PAX5: variants seen among roughly 807,000 people sequenced by gnomAD.
PAX5 encodes the protein paired box 5.
A neutral mutation model predicts 43.7 loss-of-function variants in PAX5; 9 were observed. The observed-to-expected ratio is 0.21, with a 90% confidence interval of 0.12 to 0.36. The LOEUF is 0.36. Among genes scored for constraint, PAX5 ranks in the 10% least tolerant of loss-of-function variants. The pLI, the probability that PAX5 is intolerant of heterozygous loss-of-function variation, is 1.00. For synonymous variants in PAX5, 228 were observed against 214.3 expected, an observed-to-expected ratio of 1.06 and a Z score of -0.56; for missense variants, 383 against 532.7, an observed-to-expected ratio of 0.72 and a Z score of 2.77.
chr9:36,849,718 A>G (rs1190736539), intron 8 of PAX5, among the ~76,000 whole-genome samples: 1 of 152,106 alleles, frequency 6.6e-6, no homozygotes, highest in East Asian at 1.9e-4. Context: ...TTGGTGGGAG[A>G]AATGAGCCTA....
intron 6 of PAX5, among the ~76,000 whole-genome samples, chr9:36,958,516 G>A (rs1833687697): frequency 6.6e-6 from 1 of 152,116 alleles, no homozygotes. Context: ...AAGGAGAGAA[G>A]CCGTGCATGA....
intron 7 of PAX5, among the ~76,000 whole-genome samples, chr9:36,883,234 T>A (rs1826608038): frequency 6.6e-6 from 1 of 152,150 alleles, no homozygotes; most frequent in African/African-American, 2.4e-5. Flanking sequence ...ACCCCAACAG[T>A]TTCTGCTGCT....
chr9:37,006,118 A>G (rs1838365037), intron 4 of PAX5, among the ~76,000 whole-genome samples: 1 of 152,236 alleles, frequency 6.6e-6, no homozygotes, highest in Non-Finnish European at 1.5e-5. Context: ...AAAACTACTT[A>G]CTGACTAATG....
chr9:36,971,412 G>A (rs574885523), intron 5 of PAX5, among the ~76,000 whole-genome samples: 1 of 152,356 alleles, frequency 6.6e-6, no homozygotes, highest in Admixed American at 6.5e-5. Context: ...CAGGCCTCCA[G>A]TGTAAGCTTC....
chr9:36,840,232 A>G lies in PAX5; in HGVS notation c.*328T>C, dbSNP rs746811090. The G allele has an allele frequency of 3.0e-5, 15 of 499,868 alleles. No homozygotes were observed. The highest frequency in any genetic ancestry group is 5.0e-5 in the Non-Finnish European group (14 of 278,902). The allele number at this position is 499,868 out of a possible 1,614,324, so 31.0% of individuals were successfully genotyped here. A position where few individuals can be genotyped will look rare whatever the true frequency, so the allele number is the denominator to read the frequency against. On this transcript the variant is annotated 3_prime_UTR_variant, in exon 10 of 10. Transcript: ENST00000358127. The stretch of plus-strand genomic sequence containing the variant: ...TCCTTCCCAGGCTGGGGTGGTTATG[A>G]TGGATGGATAGTCAGACAGCTGGAG...
At chr9:36,952,234 C>CATTT (rs1833064657) in intron 6 of PAX5, among the ~76,000 whole-genome samples, 1 of 66,664 alleles carries the variant, frequency 1.5e-5, no homozygotes. Context: ...GACCATCTCC[C>CATTT]TTTTTTTTTT....
chr9:36,920,010 A>G (rs1830034884), intron 7 of PAX5, among the ~76,000 whole-genome samples: 1 of 152,170 alleles, frequency 6.6e-6, no homozygotes, highest in East Asian at 1.9e-4. Flanking sequence ...TATGGTGGAA[A>G]TAGCGAGAGA....
chr9:37,026,555 G>T (rs1351255712), intron 1 of PAX5: 24 of 1,336,620 alleles, frequency 1.8e-5, no homozygotes, highest in Admixed American at 2.2e-5. Flanking sequence ...CAAACGGGTC[G>T]TGCTTACAGT....
intron 6 of PAX5, among the ~76,000 whole-genome samples, chr9:36,929,909 A>G (rs1157929011): frequency 1.3e-5 from 2 of 152,146 alleles, no homozygotes; most frequent in Non-Finnish European, 2.9e-5. Flanking sequence ...TATTTTGAGT[A>G]GAGATGGGGT....
intron 7 of PAX5, among the ~76,000 whole-genome samples, chr9:36,890,865 G>A (rs567153707): frequency 2.0e-5 from 3 of 152,220 alleles, no homozygotes; most frequent in African/African-American, 4.8e-5. Flanking sequence ...TAGGCTGGGC[G>A]CAGTGGCTCA....
intron 6 of PAX5, among the ~76,000 whole-genome samples, chr9:36,944,519 C>T (rs930341523): frequency 5.8e-4 from 89 of 152,288 alleles, no homozygotes; most frequent in African/African-American, 2.0e-3. Context: ...CCAGGAAGGA[C>T]TGCATGAGGC....
intron 9 of PAX5, among the ~76,000 whole-genome samples, chr9:36,843,105 TGA>T (rs1822229848): frequency 6.6e-6 from 1 of 151,830 alleles, no homozygotes; most frequent in South Asian, 2.1e-4. Context: ...TGTGTGTGTG[TGA>T]GTGTATGAGT....
intron 7 of PAX5, among the ~76,000 whole-genome samples, chr9:36,893,732 C>T (rs1827608611): frequency 6.6e-6 from 1 of 152,300 alleles, no homozygotes; most frequent in South Asian, 2.1e-4. Flanking sequence ...GCCCAAGCCG[C>T]GATAGTCTGG....
intron 3 of PAX5, among the ~76,000 whole-genome samples, chr9:37,010,631 C>T (rs1437224024): frequency 6.6e-6 from 1 of 152,194 alleles, no homozygotes; most frequent in Non-Finnish European, 1.5e-5. Context: ...CCCGCCCCAC[C>T]ACCAGTCCTC....
chr9:36,937,012 A>G (rs1015760649), intron 6 of PAX5, among the ~76,000 whole-genome samples: 10 of 152,170 alleles, frequency 6.6e-5, no homozygotes, highest in African/African-American at 2.4e-4. Flanking sequence ...CCTAGGGCCA[A>G]ACAAAAACTG....
At chr9:36,936,843 C>CACAT (rs1831596129) in intron 6 of PAX5, among the ~76,000 whole-genome samples, 1 of 66,074 alleles carries the variant, frequency 1.5e-5, no homozygotes, top group Non-Finnish European at 3.8e-5. Context: ...CACACACACA[C>CACAT]ACACATGCAC....
intron 7 of PAX5, among the ~76,000 whole-genome samples, chr9:36,911,662 G>A (rs1002054666): frequency 1.3e-5 from 2 of 152,200 alleles, no homozygotes; most frequent in African/African-American, 4.8e-5. Context: ...TGAGAGAAGA[G>A]GTATTTCACT....
At chr9:37,000,512 G>A (rs1352245147) in intron 5 of PAX5, among the ~76,000 whole-genome samples, 1 of 152,186 alleles carries the variant, frequency 6.6e-6, no homozygotes, top group Non-Finnish European at 1.5e-5. Flanking sequence ...CAACACTTTG[G>A]GAGGCCTAGG....
rs143932159 is a variant in PAX5, at chr9:36,925,321, A to C, written c.781-1837T>G. Among the ~76,000 whole-genome samples, 658 of 152,270 alleles carry C rather than the reference A, an allele frequency of 4.3e-3. 7 individuals carry two copies. Among genetic ancestry groups the C allele is most frequent in the African/African-American group, 0.013 (531 of 41,540 alleles). ...AAGGCTGGTTCTGAAACATGTGGAG[A>C]AGAGCACAGGCCCAAAGCAAGCCCA... On this transcript the variant is annotated intron_variant, in intron 6 of 9. Transcript: ENST00000358127.
Sources: allele counts gnomAD v4.1 joint callset (sites outside exome capture counted in the v4.1 genomes callset), GRCh38; gene constraint gnomAD v4.1.1; transcripts MANE v1.5; gene names NCBI Gene and HGNC (gene_info 2026-07-23, HGNC 2026-07-21).